The following ANKS1A variants were observed in gnomAD, a reference collection of about 807,000 sequenced individuals.
ANKS1A encodes the protein ankyrin repeat and sterile alpha motif domain containing 1A.
Under a neutral mutation model 120.3 loss-of-function variants are expected in ANKS1A, and 55 were observed. The ratio of observed to expected loss-of-function variants is 0.46; its 90% CI spans 0.37 to 0.57. ANKS1A has a LOEUF of 0.57. ANKS1A is among the 20% of genes least tolerant of loss of function. ANKS1A has a pLI of 0.00. For missense variants in ANKS1A, 1,123 were observed against 1,480.3 expected, an observed-to-expected ratio of 0.76 and a Z score of 3.96; for synonymous variants, 590 against 604.7, an observed-to-expected ratio of 0.98 and a Z score of 0.36.
chr6:35,028,954 C>T (rs939376165), intron 11 of ANKS1A, among the ~76,000 whole-genome samples: 9 of 152,110 alleles, frequency 5.9e-5, no homozygotes, highest in East Asian at 3.9e-4. Flanking sequence ...AGAGTTTGTG[C>T]GTGTTAAATT....
intron 10 of ANKS1A, among the ~76,000 whole-genome samples, chr6:35,003,684 G>A (rs1252561327): frequency 2.0e-5 from 3 of 152,094 alleles, no homozygotes; most frequent in Admixed American, 2.0e-4. Flanking sequence ...AAGCCTCATC[G>A]CTACCTTAGT....
intron 1 of ANKS1A, among the ~76,000 whole-genome samples, chr6:34,913,912 G>A (rs180790000): frequency 6.6e-6 from 1 of 152,028 alleles, no homozygotes; most frequent in East Asian, 1.9e-4. Flanking sequence ...ACTGTGCCCA[G>A]CCAATAAAGT....
intron 13 of ANKS1A, among the ~76,000 whole-genome samples, chr6:35,062,744 C>A (rs1260042055): frequency 6.6e-6 from 1 of 152,198 alleles, no homozygotes; most frequent in Non-Finnish European, 1.5e-5. Context: ...GTGGTCTGAT[C>A]GCCCTCTCTG....
chr6:34,948,149 GTGT>G (rs1388784926), intron 1 of ANKS1A, among the ~76,000 whole-genome samples: 1 of 147,422 alleles, frequency 6.8e-6, no homozygotes, highest in East Asian at 2.0e-4. Flanking sequence ...CATCATTTAG[GTGT>G]TTTTTTTTTT....
chr6:34,960,185 TC>T, intron 1 of ANKS1A, among the ~76,000 whole-genome samples: 1 of 152,166 alleles, frequency 6.6e-6, no homozygotes, highest in Middle Eastern at 3.2e-3. Flanking sequence ...TTTACTTTAT[TC>T]AGATATTCTC....
rs1775899298 is a variant in ANKS1A at position 35,050,080 on chromosome 6, G to GTT, written c.2011-4019_2011-4018insTT. Among the ~76,000 whole-genome samples, 2 of 152,228 alleles carry GTT rather than the reference G, an allele frequency of 1.3e-5. No homozygotes were observed. Among genetic ancestry groups the GTT allele is most frequent in the Admixed American group, 1.3e-4 (2 of 15,286 alleles). ...CCCATCCCCACCCCGTGGGCAGCCA[G>GTT]AATCCTGCGGTCTAAACAAGCAGAT... On this transcript the variant is annotated intron_variant, in intron 11 of 23. Coordinates refer to ENST00000360359, the MANE Select transcript of ANKS1A (RefSeq NM_015245.3). The surrounding 1 kb of genome is among the most constrained non-coding windows in gnomAD (Gnocchi z 4.3).
intron 11 of ANKS1A, chr6:35,023,895 A>G: frequency 6.4e-6 from 1 of 155,728 alleles, no homozygotes; most frequent in South Asian, 1.9e-4. Flanking sequence ...AATATTTCAT[A>G]ATATAATTTC....
intron 1 of ANKS1A, among the ~76,000 whole-genome samples, chr6:34,951,330 T>C (rs1770083434): frequency 2.0e-5 from 3 of 152,154 alleles, no homozygotes; most frequent in South Asian, 4.1e-4. Context: ...CTTTTTTACA[T>C]ACATTATCCC....
chr6:35,010,643 A>G (rs893042794), intron 10 of ANKS1A, among the ~76,000 whole-genome samples: 1 of 152,212 alleles, frequency 6.6e-6, no homozygotes, highest in Non-Finnish European at 1.5e-5. Context: ...ACTGGGGGCA[A>G]TGGACAAACA....
chr6:35,027,140 C>G (rs1007169391), intron 11 of ANKS1A, among the ~76,000 whole-genome samples: 12 of 152,112 alleles, frequency 7.9e-5, no homozygotes, highest in Admixed American at 4.6e-4. Context: ...TTACTAAGAC[C>G]AGAAGATGGC....
intron 10 of ANKS1A, among the ~76,000 whole-genome samples, chr6:35,005,608 G>A (rs1175780177): frequency 1.3e-5 from 2 of 152,228 alleles, no homozygotes; most frequent in African/African-American, 2.4e-5. Context: ...TTTATGTTAT[G>A]TGTGCTACAC....
In ANKS1A at chr6:34,985,205, G is replaced by A; in HGVS notation, c.1136G>A (p.Gly379Glu). The A allele has an allele frequency of 6.2e-7, 1 of 1,614,186 alleles. No homozygotes were observed. Among genetic ancestry groups the A allele is most frequent in the South Asian group, 1.1e-5 (1 of 91,082 alleles). ...SCHSLDSMAS[G>E]RSSDQDSTNK... Reference sequence around the variant, plus strand: ...CATTCGTTGGACAGCATGGCCAGCGGGCGATCATCTGACCAAGACTCCACG... The same window carrying A: ...CATTCGTTGGACAGCATGGCCAGCGAGCGATCATCTGACCAAGACTCCACG... The change falls in exon 8 of 24, where the codon GGG (glycine) becomes GAG (glutamate). Residue 379 changes from glycine to glutamate, a missense_variant. Around this residue, in one of 3 missense-constraint regions of ANKS1A, gnomAD observed 904 missense variants for 1,130.4 expected, o/e 0.80. Coordinates refer to ENST00000360359, the MANE Select transcript of ANKS1A (RefSeq NM_015245.3).
At chr6:35,041,131 G>T (rs1423588735) in intron 11 of ANKS1A, among the ~76,000 whole-genome samples, 2 of 152,212 alleles carry the variant, frequency 1.3e-5, no homozygotes, top group Non-Finnish European at 2.9e-5. Flanking sequence ...GTTGTCCTGG[G>T]TCTTGGTCAA....
rs149763671 is a variant in ANKS1A, at chr6:35,009,241, G to C, written c.1424-8232G>C. Among the ~76,000 whole-genome samples, 67 of 152,234 alleles carry C rather than the reference G, an allele frequency of 4.4e-4. No homozygotes were observed. In the South Asian group the frequency reaches 8.5e-3, roughly 19 times the overall value. ...CAAGGTAATTGGAGCCCAGACTAGAGGGGGAGTAGGAAGTTATAGGAAGGG... is the reference window on the plus strand; with the variant it reads ...CAAGGTAATTGGAGCCCAGACTAGACGGGGAGTAGGAAGTTATAGGAAGGG... On this transcript the variant is annotated intron_variant, in intron 10 of 23. Transcript: ENST00000360359.
At chr6:34,974,766 A>G (rs571143594) in intron 3 of ANKS1A, among the ~76,000 whole-genome samples, 2 of 152,186 alleles carry the variant, frequency 1.3e-5, no homozygotes, top group East Asian at 3.9e-4. Flanking sequence ...AAATAAGATA[A>G]TATATATAAA....
At chr6:35,020,577 C>T (rs927999806) in intron 11 of ANKS1A, among the ~76,000 whole-genome samples, 17 of 152,198 alleles carry the variant, frequency 1.1e-4, no homozygotes, top group African/African-American at 4.1e-4. Flanking sequence ...CTGAGCGTAT[C>T]CCAAACCAGA....
chr6:35,052,400 G>A (rs915577788), intron 11 of ANKS1A, among the ~76,000 whole-genome samples: 7 of 151,762 alleles, frequency 4.6e-5, no homozygotes, highest in South Asian at 2.1e-4. Context: ...GCAGTGAGCC[G>A]TGATCACACC....
At chr6:34,913,174 A>C (rs1767986016) in intron 1 of ANKS1A, among the ~76,000 whole-genome samples, 1 of 152,230 alleles carries the variant, frequency 6.6e-6, no homozygotes, top group Non-Finnish European at 1.5e-5. Context: ...TGTAAAATTG[A>C]AAAAGGTTGT....
chr6:35,061,943 T>C (rs1776528334), intron 13 of ANKS1A, among the ~76,000 whole-genome samples: 1 of 152,156 alleles, frequency 6.6e-6, no homozygotes, highest in South Asian at 2.1e-4. Context: ...CTTAGGGTGT[T>C]CCCTCCCTGT....
Sources: gnomAD v4.1 joint callset for allele counts (sites outside exome capture counted in the v4.1 genomes callset) on GRCh38, gnomAD v4.1.1 for gene constraint, gnomAD v4.1.1 regional missense constraint, Gnocchi (gnomAD v3.1) non-coding constraint, MANE v1.5 for transcripts, NCBI Gene and HGNC (gene_info 2026-07-23, HGNC 2026-07-21) for gene names.